Variants in ADGRB3 observed in about 807,000 individuals in gnomAD.
ADGRB3 encodes the protein brain-specific angiogenesis inhibitor 3.
A neutral mutation model predicts 193.4 loss-of-function variants in ADGRB3; 37 were observed. The observed-to-expected ratio is 0.19, with a 90% CI of 0.15 to 0.25. ADGRB3 has a LOEUF of 0.25. Ranked by LOEUF, ADGRB3 falls within the 10% of genes least tolerant of loss-of-function variation. ADGRB3 has a pLI of 1.00. For missense variants in ADGRB3, 1,637 were observed against 1,852.9 expected, an observed-to-expected ratio of 0.88 and a Z score of 2.14; for synonymous variants, 690 against 644.2, an observed-to-expected ratio of 1.07 and a Z score of -1.08.
At chr6:69,031,110 T>TTCG (rs1770665897) in intron 13 of ADGRB3, among the ~76,000 whole-genome samples, 2 of 76,910 alleles carry the variant, frequency 2.6e-5, no homozygotes, top group Non-Finnish European at 5.8e-5. Flanking sequence ...TCTTCTCTTC[T>TTCG]CTTCTCTCTC....
intron 3 of ADGRB3, among the ~76,000 whole-genome samples, chr6:68,780,994 A>G (rs186632366): frequency 2.6e-5 from 4 of 152,294 alleles, no homozygotes; most frequent in Admixed American, 1.3e-4. Context: ...TAAAAATATT[A>G]CTTGAAAATT....
intron 17 of ADGRB3, among the ~76,000 whole-genome samples, chr6:69,164,604 A>T (rs930150761): frequency 3.9e-5 from 6 of 152,116 alleles, no homozygotes; most frequent in African/African-American, 1.2e-4. Flanking sequence ...CTAGAAGCCC[A>T]TGTAGGTAAG....
At chr6:69,381,517 C>T (rs1473947802) in intron 30 of ADGRB3, among the ~76,000 whole-genome samples, 2 of 151,748 alleles carry the variant, frequency 1.3e-5, no homozygotes, top group Non-Finnish European at 2.9e-5. Flanking sequence ...CAATGTATTG[C>T]CTAGATACAT....
In ADGRB3 at chr6:69,087,075, A is replaced by G. The variant is rs565716646; in HGVS notation, c.2480+11037A>G. Among the ~76,000 whole-genome samples the G allele has an allele frequency of 1.8e-4, 27 of 152,278 alleles. 1 individual carries two copies. The East Asian group carries it at 5.2e-3, about 29-fold the overall frequency. ...GCTTCTTTTCCAGAATTATACACAC[A>G]TATAGATCCTTTACACGTTCTAACT... On this transcript the variant is annotated intron_variant, in intron 17 of 31. Transcript: ENST00000370598.
At chr6:69,318,137 A>G (rs1768359107) in intron 20 of ADGRB3, among the ~76,000 whole-genome samples, 1 of 151,308 alleles carries the variant, frequency 6.6e-6, no homozygotes, top group Admixed American at 6.6e-5. Flanking sequence ...AAGTGATGGT[A>G]GACATCTTCC....
At chr6:69,280,400 T>C (rs1276976296) in intron 20 of ADGRB3, among the ~76,000 whole-genome samples, 1 of 152,172 alleles carries the variant, frequency 6.6e-6, no homozygotes, top group Non-Finnish European at 1.5e-5. Flanking sequence ...CAGTATTATA[T>C]TGTGGTTGAA....
At chr6:69,096,331 G>A (rs748015054) in intron 17 of ADGRB3, among the ~76,000 whole-genome samples, 15 of 146,984 alleles carry the variant, frequency 1.0e-4, no homozygotes, top group Non-Finnish European at 1.5e-4. Context: ...CAATTGTATT[G>A]TGTCCAAGAA....
chr6:68,986,164 C>T (rs1769067116), intron 10 of ADGRB3, among the ~76,000 whole-genome samples: 1 of 152,090 alleles, frequency 6.6e-6, no homozygotes, highest in Non-Finnish European at 1.5e-5. Context: ...GGTTTTACAG[C>T]AAAATATGCA....
intron 3 of ADGRB3, among the ~76,000 whole-genome samples, chr6:68,723,226 C>G (rs540776857): frequency 6.6e-6 from 1 of 151,778 alleles, no homozygotes; most frequent in African/African-American, 2.4e-5. Context: ...GTTCTTAGAT[C>G]AGCTGGACCC....
At chr6:68,741,544 G>A (rs535837356) in intron 3 of ADGRB3, among the ~76,000 whole-genome samples, 1 of 152,092 alleles carries the variant, frequency 6.6e-6, no homozygotes, top group East Asian at 1.9e-4. Flanking sequence ...GTGCCACTAT[G>A]CCCAGATAAA....
intron 29 of ADGRB3, among the ~76,000 whole-genome samples, chr6:69,369,230 A>C (rs529136904): frequency 6.6e-6 from 1 of 152,286 alleles, no homozygotes; most frequent in East Asian, 1.9e-4. Context: ...AGAGCTCAGA[A>C]AGACATTTGA....
At chr6:69,237,234 C>T (rs1368705349) in intron 19 of ADGRB3, among the ~76,000 whole-genome samples, 1 of 151,906 alleles carries the variant, frequency 6.6e-6, no homozygotes, top group Non-Finnish European at 1.5e-5. Flanking sequence ...ATGTTAGGTT[C>T]CTACCACCTT....
chr6:68,842,593 G>A (rs1054929782), intron 3 of ADGRB3, among the ~76,000 whole-genome samples: 5 of 151,878 alleles, frequency 3.3e-5, no homozygotes, highest in Non-Finnish European at 5.9e-5. Context: ...AACATTTAAA[G>A]AAGAAGTAAT....
At chr6:69,123,401 G>T (rs1367936702) in intron 17 of ADGRB3, among the ~76,000 whole-genome samples, 2 of 152,104 alleles carry the variant, frequency 1.3e-5, no homozygotes, top group Non-Finnish European at 2.9e-5. Flanking sequence ...TATTCTTGCA[G>T]ATTGTTCAAC....
chr6:69,177,370 T>C lies in ADGRB3; in HGVS notation c.2481-55920T>C, dbSNP rs374692229. ...CAAAGATTTTTTTTTTTATTTTTAT[T>C]TTTTTAGACAGAGTCTTGCTCTGCC... On this transcript the variant is annotated intron_variant, in intron 17 of 31. Coordinates refer to ENST00000370598, the MANE Select transcript of ADGRB3 (RefSeq NM_001704.3). 2.6e-5 allele frequency among the ~76,000 whole-genome samples: 4 copies of C among 152,230 alleles called. No homozygotes were observed. The East Asian group carries it at 7.7e-4, about 29-fold the overall frequency.
intron 17 of ADGRB3, among the ~76,000 whole-genome samples, chr6:69,219,404 C>G (rs1451210237): frequency 7.0e-6 from 1 of 143,058 alleles, no homozygotes; most frequent in Non-Finnish European, 1.5e-5. Context: ...CTTCATAAAA[C>G]CAATCAACTA....
At chr6:69,245,209 T>C (rs7758681) in intron 20 of ADGRB3, among the ~76,000 whole-genome samples, 21,390 of 152,070 alleles carry the variant, frequency 0.14, 1,576 homozygotes, top group Middle Eastern at 0.16. Flanking sequence ...TATCAGGTAT[T>C]GATCATACTG....
At chr6:69,077,907 A>G (rs1333726811) in intron 17 of ADGRB3, among the ~76,000 whole-genome samples, 1 of 151,964 alleles carries the variant, frequency 6.6e-6, no homozygotes, top group African/African-American at 2.4e-5. Flanking sequence ...TTCCCATCAC[A>G]GTTTTCGCTA....
intron 3 of ADGRB3, among the ~76,000 whole-genome samples, chr6:68,869,570 A>C (rs1002455407): frequency 1.7e-4 from 26 of 152,210 alleles, no homozygotes; most frequent in Admixed American, 2.6e-4. Context: ...CAAATTAGTT[A>C]ATTCAAATCA....
Sources: gnomAD v4.1 joint callset for allele counts (sites outside exome capture counted in the v4.1 genomes callset) on GRCh38, gnomAD v4.1.1 for gene constraint, MANE v1.5 for transcripts, NCBI Gene and HGNC (gene_info 2026-07-23, HGNC 2026-07-21) for gene names.